SYT10: variants seen among roughly 807,000 people sequenced by gnomAD.
SYT10 encodes synaptotagmin-10.
In SYT10, 31 loss-of-function variants were observed where a neutral mutation model predicts 51.1. That is an observed-to-expected ratio of 0.61 (90% CI 0.46 to 0.82). The LOEUF is 0.82. Ranked by LOEUF, SYT10 falls within the 40% of genes least tolerant of loss-of-function variation. The probability of loss-of-function intolerance (pLI) is 0.00; values close to 1 mark genes in which losing one functional copy is unlikely to be tolerated. For synonymous variants in SYT10, 233 were observed against 225.9 expected, an observed-to-expected ratio of 1.03 and a Z score of -0.28; for missense variants, 603 against 634.0, an observed-to-expected ratio of 0.95 and a Z score of 0.53.
chr12:33,430,121 T>C, intron 1 of SYT10, among the ~76,000 whole-genome samples: 1 of 152,150 alleles, frequency 6.6e-6, no homozygotes, highest in East Asian at 1.9e-4. Flanking sequence ...GATAATTAGG[T>C]TTAAAATTGC....
At chr12:33,415,909 A>G (rs10844589) in intron 2 of SYT10, among the ~76,000 whole-genome samples, 90,210 of 151,966 alleles carry the variant, frequency 0.59, 28,154 homozygotes, top group East Asian at 0.89. Context: ...ATCCCTTTTT[A>G]GAATGTTTCT....
intron 2 of SYT10, among the ~76,000 whole-genome samples, chr12:33,410,532 T>C (rs1182695288): frequency 1.3e-5 from 2 of 151,648 alleles, no homozygotes; most frequent in Non-Finnish European, 2.9e-5. Context: ...TTAAAGGACC[T>C]ATCGTTCAAT....
At chr12:33,383,829 A>T (rs1476925314) in intron 4 of SYT10, among the ~76,000 whole-genome samples, 1 of 152,162 alleles carries the variant, frequency 6.6e-6, no homozygotes, top group African/African-American at 2.4e-5. Flanking sequence ...TCCGATGAAA[A>T]GTTTCATATA....
intron 3 of SYT10, among the ~76,000 whole-genome samples, chr12:33,397,124 T>C (rs887543222): frequency 6.6e-6 from 1 of 152,190 alleles, no homozygotes; most frequent in Non-Finnish European, 1.5e-5. Flanking sequence ...ATACACAGCA[T>C]GGTCCAGAAA....
intron 1 of SYT10, among the ~76,000 whole-genome samples, chr12:33,438,986 G>C (rs1218815991): frequency 1.3e-5 from 2 of 152,336 alleles, no homozygotes; most frequent in East Asian, 3.9e-4. Flanking sequence ...TAGTCCCACA[G>C]GTGAGCCGCC....
chr12:33,392,850 C>T (rs1866220805), intron 3 of SYT10, among the ~76,000 whole-genome samples: 2 of 151,352 alleles, frequency 1.3e-5, no homozygotes, highest in East Asian at 3.9e-4. Context: ...TAACAGCAAC[C>T]ACCCAGAGCT....
chr12:33,414,038 T>C lies in SYT10; in HGVS notation c.510-6682A>G, dbSNP rs575530189. On this transcript the variant is annotated intron_variant, in intron 2 of 6. Transcript: ENST00000228567. Reference sequence around the variant, plus strand: ...AAAAAGGCAGGGGTTGCAATCCTAGTATCTGATAAAACAGACTTTAAACCA... The same window carrying C: ...AAAAAGGCAGGGGTTGCAATCCTAGCATCTGATAAAACAGACTTTAAACCA... 2.1e-3 allele frequency among the ~76,000 whole-genome samples: 326 copies of C among 152,088 alleles called. 2 individuals carry two copies. The highest frequency in any genetic ancestry group is 7.6e-3 in the African/African-American group (314 of 41,466).
Position 33,406,865 on chromosome 12 carries a change from A to T in SYT10, c.1001T>A (p.Ile334Asn). The T allele has an allele frequency of 1.2e-6, 2 of 1,614,070 alleles. No homozygotes were observed. The highest frequency in any genetic ancestry group is 1.7e-6 in the Non-Finnish European group (2 of 1,180,010). The change falls in exon 3 of 7, where the codon ATT becomes AAT. Residue 334 changes from isoleucine to asparagine, a missense_variant. Coordinates refer to ENST00000228567, the MANE Select transcript of SYT10 (RefSeq NM_198992.4). ...FSRHDMIGEV[I>N]LDNLFEVSDL... is the part of the protein sequence containing the mutation. ...AGAGACTTCAAACAAATTATCAAGA[A>T]TCACTTCCCCAATCATGTCATGTCT...
intron 3 of SYT10, among the ~76,000 whole-genome samples, chr12:33,399,414 G>C (rs1203468409): frequency 6.6e-6 from 1 of 152,170 alleles, no homozygotes; most frequent in Non-Finnish European, 1.5e-5. Context: ...TGTAATCAAT[G>C]TTACAGGAAG....
intron 2 of SYT10, among the ~76,000 whole-genome samples, chr12:33,421,096 G>A (rs1337287884): frequency 2.6e-5 from 4 of 152,068 alleles, no homozygotes; most frequent in Non-Finnish European, 4.4e-5. Context: ...TTACAGTAAA[G>A]TTAACTATGG....
intron 1 of SYT10, among the ~76,000 whole-genome samples, chr12:33,438,989 G>A (rs1486236497): frequency 6.6e-6 from 1 of 152,212 alleles, no homozygotes; most frequent in Non-Finnish European, 1.5e-5. Flanking sequence ...TCCCACAGGT[G>A]AGCCGCCCCC....
intron 1 of SYT10, among the ~76,000 whole-genome samples, chr12:33,427,930 A>G (rs1273923434): frequency 6.6e-6 from 1 of 152,226 alleles, no homozygotes; most frequent in Non-Finnish European, 1.5e-5. Flanking sequence ...AATCCCAGAA[A>G]CATTTTAAAT....
At chr12:33,377,289 C>G (rs1307445096) in intron 6 of SYT10, among the ~76,000 whole-genome samples, 2 of 152,154 alleles carry the variant, frequency 1.3e-5, no homozygotes, top group African/African-American at 4.8e-5. Context: ...TCTCTTGCCT[C>G]AGCCTCCCGA....
rs1421744855 is a variant in SYT10 at position 33,407,308 on chromosome 12, A to C, written c.558T>G (p.Ser186Arg). ...GTTCTGTGCCCATGCTAAAATCAAC[A>C]CTGGAAACCTGCATTTGCCTCGGCA... The part of the protein sequence containing the change: ...RHLPRQMQVS[S>R]VDFSMGTEPV... Residue 186 changes from serine to arginine, a missense_variant, in exon 3 of 7, where the codon AGT (serine) becomes AGG (arginine). Physicochemically the swap from Ser to Arg is moderately radical, Grantham distance 110 (BLOSUM62 -1). Transcript: ENST00000228567. 2.5e-6 allele frequency: 4 copies of C among 1,610,874 alleles called. No homozygotes were observed. Among genetic ancestry groups the C allele is most frequent in the East Asian group, 4.5e-5 (2 of 44,878 alleles).
At chr12:33,381,207 A>T (rs1198691587) in intron 5 of SYT10, among the ~76,000 whole-genome samples, 6 of 152,168 alleles carry the variant, frequency 3.9e-5, no homozygotes, top group African/African-American at 1.4e-4. Flanking sequence ...TCTCTTTCTA[A>T]ATAGTAGTCA....
At chr12:33,377,046 G>A in intron 6 of SYT10, 145 bp from the exon 7 acceptor site, 2 of 806,264 alleles carry the variant, frequency 2.5e-6, no homozygotes, top group Non-Finnish European at 4.0e-6. Context: ...TTGCCCTTCA[G>A]AACTTACCTT....
rs1231387437 is a variant in SYT10 at position 33,390,926 on chromosome 12, T to TC, written c.1078-5636_1078-5635insG. Among the ~76,000 whole-genome samples, 30 of 151,956 alleles carry TC rather than the reference T, an allele frequency of 2.0e-4. No individual in the cohort carries two copies. In the South Asian group the frequency reaches 6.1e-3, roughly 31 times the overall value. ...GTCTGCATAATGTTAAATTACGTTT[T>TC]TTTTTGTTGTTGTTGTTGTTTTGTT... On this transcript the variant is annotated intron_variant, in intron 3 of 6. Transcript: ENST00000228567.
intron 3 of SYT10, among the ~76,000 whole-genome samples, chr12:33,394,088 T>A (rs2138399204): frequency 6.6e-6 from 1 of 152,320 alleles, no homozygotes; most frequent in South Asian, 2.1e-4. Flanking sequence ...CTTGTTATGA[T>A]AACAGTGTGT....
intron 1 of SYT10, among the ~76,000 whole-genome samples, chr12:33,437,481 A>C (rs1166312455): frequency 6.6e-6 from 1 of 152,174 alleles, no homozygotes; most frequent in African/African-American, 2.4e-5. Flanking sequence ...ACAGTTGTGC[A>C]TTTTGGACAG....
Sources: allele counts gnomAD v4.1 joint callset (sites outside exome capture counted in the v4.1 genomes callset), GRCh38; gene constraint gnomAD v4.1.1; transcripts MANE v1.5; gene names NCBI Gene and HGNC (gene_info 2026-07-23, HGNC 2026-07-21).